EVI5: variants seen among roughly 807,000 people sequenced by gnomAD.
EVI5 encodes the protein ecotropic viral integration site 5 protein homolog.
A neutral mutation model predicts 112.0 loss-of-function variants in EVI5; 73 were observed. That is an observed-to-expected ratio of 0.65 (90% confidence interval 0.54 to 0.79). EVI5 has a LOEUF of 0.79. EVI5 is among the 30% of genes least tolerant of loss of function. The probability of loss-of-function intolerance (pLI) is 0.00; values close to 1 mark genes in which losing one functional copy is unlikely to be tolerated. For synonymous variants in EVI5, 305 were observed against 319.9 expected (o/e 0.95, Z 0.50); for missense variants, 900 against 968.8 (o/e 0.93, Z 0.94).
chr1:92,720,938 T>C (rs974267968), intron 2 of EVI5, among the ~76,000 whole-genome samples: 3 of 152,128 alleles, frequency 2.0e-5, no homozygotes, highest in African/African-American at 4.8e-5. Context: ...TCATCACTGG[T>C]CATCAGAGAA....
intron 1 of EVI5, among the ~76,000 whole-genome samples, chr1:92,765,541 A>ACC (rs1025551905): frequency 1.3e-5 from 2 of 150,996 alleles, no homozygotes; most frequent in Non-Finnish European, 2.9e-5. Flanking sequence ...AAAAAAAAAG[A>ACC]CCCAGAAAAG....
At chr1:92,711,717 C>A (rs1672877838) in intron 2 of EVI5, among the ~76,000 whole-genome samples, 1 of 152,194 alleles carries the variant, frequency 6.6e-6, no homozygotes, top group African/African-American at 2.4e-5. Flanking sequence ...GTTCAAACAT[C>A]TCTTTGTAAT....
chr1:92,686,102 G>C (rs560903137), intron 9 of EVI5, among the ~76,000 whole-genome samples: 1 of 152,246 alleles, frequency 6.6e-6, no homozygotes, highest in African/African-American at 2.4e-5. Context: ...CAAAAAAAGA[G>C]AATTTTAGGC....
intron 12 of EVI5, 127 bp downstream of exon 12, chr1:92,663,293 C>T (rs1664327658): frequency 2.1e-6 from 1 of 469,210 alleles, no homozygotes; most frequent in Non-Finnish European, 3.7e-6. Flanking sequence ...ATATACCACC[C>T]AAAAAATTAT....
At chr1:92,600,376 T>C (rs193254481) in intron 18 of EVI5, among the ~76,000 whole-genome samples, 1 of 122,696 alleles carries the variant, frequency 8.2e-6, no homozygotes, top group Admixed American at 9.2e-5. Context: ...GTTTTATGTA[T>C]AATATTTGTA....
chr1:92,718,908 T>A (rs1044715261), intron 2 of EVI5, among the ~76,000 whole-genome samples: 1 of 151,948 alleles, frequency 6.6e-6, no homozygotes, highest in African/African-American at 2.4e-5. Flanking sequence ...TCAGAGAATA[T>A]AATAAACACC....
intron 18 of EVI5, among the ~76,000 whole-genome samples, chr1:92,585,113 A>ACT (rs1672564241): frequency 6.6e-6 from 1 of 151,860 alleles, no homozygotes; most frequent in African/African-American, 2.4e-5. Flanking sequence ...AATCCCAGCT[A>ACT]CTCAGGAGGC....
At position 92,703,481 on chromosome 1, in the gene EVI5, T is replaced by C. The variant is rs1163390250; in HGVS notation, c.478A>G (p.Arg160Gly). ...TCAGGGTAAGTTCTAGCAATGTCCC[T>C]TCGGATCAATTTTTCACAAGGCGAG... is the stretch of plus-strand genomic sequence containing the variant. ...MTSPCEKLIR[R>G]DIARTYPEHN... The change falls in exon 4 of 20, where the codon AGG becomes GGG. Residue 160 changes from arginine (R) to glycine (G), a missense_variant. Coordinates refer to ENST00000684568, the MANE Select transcript of EVI5 (RefSeq NM_001350197.2). 1.2e-6 allele frequency: 2 copies of C among 1,600,846 alleles called. No individual in the cohort carries two copies. Among genetic ancestry groups the C allele is most frequent in the Non-Finnish European group, 1.7e-6 (2 of 1,176,896 alleles).
At chr1:92,616,568 T>C (rs1653225621) in intron 16 of EVI5, among the ~76,000 whole-genome samples, 1 of 152,130 alleles carries the variant, frequency 6.6e-6, no homozygotes, top group South Asian at 2.1e-4. Flanking sequence ...ACTTAATTTA[T>C]ACAAGCAGAA....
chr1:92,517,782 T>C (rs984478820), intron 19 of EVI5, among the ~76,000 whole-genome samples: 1 of 152,218 alleles, frequency 6.6e-6, no homozygotes, highest in Non-Finnish European at 1.5e-5. Flanking sequence ...GCAATGGCTT[T>C]TGTTTGTATT....
intron 16 of EVI5, among the ~76,000 whole-genome samples, chr1:92,621,325 T>C (rs1041557632): frequency 2.0e-5 from 3 of 152,210 alleles, no homozygotes; most frequent in Non-Finnish European, 2.9e-5. Flanking sequence ...TTGTTTTTCT[T>C]TGAGATGGAG....
At chr1:92,577,550 C>G (rs1454144833) in intron 18 of EVI5, among the ~76,000 whole-genome samples, 1 of 152,178 alleles carries the variant, frequency 6.6e-6, no homozygotes, top group African/African-American at 2.4e-5. Flanking sequence ...TCCTAAGATG[C>G]CTTCTTCAAA....
intron 19 of EVI5, among the ~76,000 whole-genome samples, chr1:92,547,982 C>T (rs1175293956): frequency 2.6e-5 from 4 of 152,182 alleles, no homozygotes; most frequent in African/African-American, 9.7e-5. Context: ...AGGGAATCCT[C>T]CCTAACTCAT....
intron 18 of EVI5, among the ~76,000 whole-genome samples, chr1:92,595,422 G>A (rs910358578): frequency 3.3e-5 from 5 of 152,002 alleles, no homozygotes; most frequent in Admixed American, 2.0e-4. Context: ...TTGTGGGGTG[G>A]GGGGAGGTTG....
chr1:92,632,155 G>C lies in EVI5; in HGVS notation c.1527+4047C>G, dbSNP rs933644281. ...TCTAAAATTCTCTTTTTTTCATTGTGTCTCTGCCAACCTTTGGTATCAGGA... is the reference window on the plus strand; with the variant it reads ...TCTAAAATTCTCTTTTTTTCATTGTCTCTCTGCCAACCTTTGGTATCAGGA... On this transcript the variant is annotated intron_variant, in intron 14 of 19. Transcript: ENST00000684568. Among the ~76,000 whole-genome samples the C allele has an allele frequency of 3.9e-5, 6 of 152,198 alleles. 1 individual carries two copies. Among genetic ancestry groups the C allele is most frequent in the African/African-American group, 1.4e-4 (6 of 41,508 alleles).
At chr1:92,792,257 C>T (rs1686154021) in intron 1 of EVI5, 1 of 852,732 alleles carries the variant, frequency 1.2e-6, no homozygotes, top group African/African-American at 1.7e-5. Flanking sequence ...TATACAAATC[C>T]TAACTCAATA....
rs569843038 is a variant in EVI5, at chr1:92,541,260, A to G, written c.2166+22382T>C. On this transcript the variant is annotated intron_variant, in intron 19 of 19. Transcript: ENST00000684568. ...ATAATGTATCTGATAAGGAACACAT[A>G]TTTAGAATATGTAAAGAACTCTTGC... Among the ~76,000 whole-genome samples, 4 of 152,334 alleles carry G rather than the reference A, an allele frequency of 2.6e-5. No homozygotes were observed. The South Asian group carries it at 6.2e-4, about 24-fold the overall frequency.
rs1053654722 is a variant in EVI5, at chr1:92,760,225, A to G, written c.-81-23598T>C. Among the ~76,000 whole-genome samples, 5 of 152,240 alleles carry G rather than the reference A, an allele frequency of 3.3e-5. No individual in the cohort carries two copies. In the South Asian group the frequency reaches 1.0e-3, roughly 31 times the overall value. On this transcript the variant is annotated intron_variant, in intron 1 of 19. Coordinates refer to ENST00000684568, the MANE Select transcript of EVI5 (RefSeq NM_001350197.2). ...TTCTAATCTGAAAAGATACAAAGTA[A>G]GGAAATAAAAGGGAGAGAGCAACAC... is the stretch of plus-strand genomic sequence containing the variant.
intron 14 of EVI5, among the ~76,000 whole-genome samples, chr1:92,631,485 T>C (rs1005191666): frequency 2.0e-5 from 3 of 152,206 alleles, no homozygotes; most frequent in African/African-American, 7.2e-5. Context: ...TCTGTTTGTC[T>C]GTTATTGGTG....
Sources: allele counts gnomAD v4.1 joint callset (sites outside exome capture counted in the v4.1 genomes callset), GRCh38; gene constraint gnomAD v4.1.1; transcripts MANE v1.5; gene names NCBI Gene and HGNC (gene_info 2026-07-23, HGNC 2026-07-21).